The following AQP9 variants were observed in gnomAD, a reference collection of about 807,000 sequenced individuals.
AQP9 encodes aquaporin-9.
In AQP9, 19 loss-of-function variants were observed where a neutral mutation model predicts 23.8. The ratio of observed to expected loss-of-function variants is 0.80; its 90% CI spans 0.56 to 1.17. The LOEUF (loss-of-function observed/expected upper bound fraction) is 1.17. Among genes scored for constraint, AQP9 ranks in the 50% most tolerant of loss-of-function variants. The probability of loss-of-function intolerance (pLI) is 0.00; values close to 1 mark genes in which losing one functional copy is unlikely to be tolerated. For missense variants in AQP9, 413 were observed against 362.0 expected (o/e 1.14, Z -1.14); for synonymous variants, 153 against 131.5 (o/e 1.16, Z -1.12).
intron 4 of AQP9, among the ~76,000 whole-genome samples, chr15:58,178,905 CTG>C (rs1313212638): frequency 6.6e-6 from 1 of 152,146 alleles, no homozygotes; most frequent in African/African-American, 2.4e-5. Context: ...GGTAACCAAT[CTG>C]TAAATGAGAA....
chr15:58,185,581 C>A lies in AQP9; in HGVS notation c.*1446C>A, dbSNP rs1405742485. ...TGCTTCCTGCCAGCACCAAACATTA[C>A]ATTCAGGGGATTTCCTCTGGCTCAG... On this transcript the variant is annotated 3_prime_UTR_variant, in exon 6 of 6. Coordinates refer to ENST00000219919, the MANE Select transcript of AQP9 (RefSeq NM_020980.5). 1.3e-5 allele frequency: 2 copies of A among 152,254 alleles called. No individual in the cohort carries two copies. The highest frequency in any genetic ancestry group is 6.5e-5 in the Admixed American group (1 of 15,290). 9.4% of individuals were successfully genotyped at this position (152,254 alleles called of 1,614,324 possible).
intron 1 of AQP9, among the ~76,000 whole-genome samples, chr15:58,139,012 G>A (rs1268740362): frequency 6.6e-6 from 1 of 152,114 alleles, no homozygotes; most frequent in Non-Finnish European, 1.5e-5. Flanking sequence ...CAATTGATTT[G>A]TACCCTGCTT....
In AQP9 at chr15:58,179,255, G is replaced by A. The variant is rs193153801; in HGVS notation, c.623G>A (p.Gly208Glu). ...ATTATTGTCATTGCTTCCTCCCTGG[G>A]ACTGAACAGTGGCTGTGCCATGAAC... Reference protein sequence around the residue: ...LLIIVIASSLGLNSGCAMNPA... With the variant: ...LLIIVIASSLELNSGCAMNPA... Residue 208 changes from glycine (G) to glutamate (E), a missense_variant, in exon 5 of 6, where the codon GGA becomes GAA. By Grantham distance (98) the Gly-to-Glu change is moderately conservative. Coordinates refer to ENST00000219919, the MANE Select transcript of AQP9 (RefSeq NM_020980.5). 6.2e-7 allele frequency: 1 copy of A among 1,614,144 alleles called. No individual in the cohort carries two copies. The highest frequency in any genetic ancestry group is 1.7e-5 in the Admixed American group (1 of 60,010).
chr15:58,167,786 G>A (rs1478735906), intron 2 of AQP9, among the ~76,000 whole-genome samples: 4 of 151,954 alleles, frequency 2.6e-5, no homozygotes, highest in Admixed American at 1.3e-4. Flanking sequence ...ACAATGGCAC[G>A]ATCTTGGCTC....
intron 1 of AQP9, among the ~76,000 whole-genome samples, chr15:58,163,435 A>G (rs969807200): frequency 1.4e-5 from 1 of 73,456 alleles, no homozygotes; most frequent in Non-Finnish European, 3.0e-5. Flanking sequence ...ACCATGATAC[A>G]TTAAACATCC....
intron 1 of AQP9, among the ~76,000 whole-genome samples, chr15:58,148,498 C>T (rs1566981087): frequency 6.6e-6 from 1 of 152,128 alleles, no homozygotes; most frequent in Non-Finnish European, 1.5e-5. Context: ...AGAGATCTCC[C>T]AGGTTGAGAG....
chr15:58,166,666 A>T lies in AQP9; in HGVS notation c.112-7A>T. On this transcript the variant is annotated splice_region_variant and splice_polypyrimidine_tract_variant and intron_variant, in intron 1 of 5. Transcript: ENST00000219919. ...CACTTACCTGTTGAGTTTTCCTCTCATTCCAGGTCCTTGGATGTGGCTGTG... is the reference window on the plus strand; with the variant it reads ...CACTTACCTGTTGAGTTTTCCTCTCTTTCCAGGTCCTTGGATGTGGCTGTG... The T allele has an allele frequency of 6.2e-7, 1 of 1,605,250 alleles. No homozygotes were observed. The highest frequency in any genetic ancestry group is 1.7e-5 in the Admixed American group (1 of 58,482).
At chr15:58,179,737 C>A (rs761995622) in intron 5 of AQP9, among the ~76,000 whole-genome samples, 7 of 152,140 alleles carry the variant, frequency 4.6e-5, no homozygotes, top group Non-Finnish European at 1.0e-4. Context: ...GGCTCTTCCT[C>A]GTGAACCACG....
intron 1 of AQP9, chr15:58,151,258 C>A (rs1030140325): frequency 6.6e-6 from 1 of 152,064 alleles, no homozygotes; most frequent in East Asian, 1.9e-4. Flanking sequence ...GTATGCCTTG[C>A]CTTACTAGTT....
intron 1 of AQP9, among the ~76,000 whole-genome samples, chr15:58,159,871 C>A (rs562467298): frequency 1.3e-5 from 2 of 152,122 alleles, no homozygotes; most frequent in African/African-American, 4.8e-5. Flanking sequence ...TGTTTCATTG[C>A]GTATATATGC....
At position 58,184,430 on chromosome 15, in the gene AQP9, T is replaced by C. The variant is rs546813274; in HGVS notation, c.*295T>C. On this transcript the variant is annotated 3_prime_UTR_variant, in exon 6 of 6. Transcript: ENST00000219919. ...GGAATTCTTGCTAGGTAAGCACTAA[T>C]AACTCGGCATCTTGACGATAGTCCC... The C allele has an allele frequency of 3.7e-4, 106 of 283,260 alleles. No individual in the cohort carries two copies. The highest frequency in any genetic ancestry group is 2.3e-3 in the African/African-American group (102 of 45,180). The allele number at this position is 283,260 out of a possible 1,614,324, so 17.5% of individuals were successfully genotyped here. A position where few individuals can be genotyped will look rare whatever the true frequency, so the allele number is the denominator to read the frequency against.
intron 5 of AQP9, among the ~76,000 whole-genome samples, chr15:58,182,415 A>T (rs1371185565): frequency 6.6e-6 from 1 of 152,170 alleles, no homozygotes; most frequent in African/African-American, 2.4e-5. Flanking sequence ...TGTGAACCTG[A>T]TACAACATGT....
chr15:58,173,345 T>A lies in AQP9; in HGVS notation c.376+140T>A. The A allele has an allele frequency of 3.2e-6, 4 of 1,241,316 alleles. No individual in the cohort carries two copies. The East Asian group carries it at 9.6e-5, about 30-fold the overall frequency. The allele number at this position is 1,241,316 out of a possible 1,614,324, so 76.9% of individuals were successfully genotyped here. On this transcript the variant is annotated intron_variant, in intron 3 of 5. Transcript: ENST00000219919. The stretch of plus-strand genomic sequence containing the variant: ...ACAGCAAGTTCTAAATTTGAGAAAA[T>A]GAGGCCATATTACCATTCCAGCAAA...
chr15:58,147,978 A>G (rs1409157499), intron 1 of AQP9, among the ~76,000 whole-genome samples: 1 of 152,160 alleles, frequency 6.6e-6, no homozygotes, highest in Non-Finnish European at 1.5e-5. Context: ...GATATTAGTT[A>G]CCTGTGGAGA....
Position 58,165,937 on chromosome 15 carries a change from G to A in AQP9, c.112-736G>A, listed in dbSNP as rs569140661. ...TAGGAAACTACAGCCCCATCAGGGAGAAAATACATGAGAATAAGGGGGTCC... is the reference window on the plus strand; with the variant it reads ...TAGGAAACTACAGCCCCATCAGGGAAAAAATACATGAGAATAAGGGGGTCC... On this transcript the variant is annotated intron_variant, in intron 1 of 5. Transcript: ENST00000219919. 2.0e-5 allele frequency among the ~76,000 whole-genome samples: 3 copies of A among 152,338 alleles called. No homozygotes were observed. In the East Asian group the frequency reaches 5.8e-4, roughly 29 times the overall value.
At position 58,138,541 on chromosome 15, in the gene AQP9, C is replaced by T. The variant is rs771920504; in HGVS notation, c.-25C>T. 1 of 1,597,022 alleles carries T rather than the reference C, an allele frequency of 6.3e-7. No individual in the cohort carries two copies. Among genetic ancestry groups the T allele is most frequent in the Non-Finnish European group, 8.6e-7 (1 of 1,166,064 alleles). On this transcript the variant is annotated 5_prime_UTR_variant, in exon 1 of 6. Coordinates refer to ENST00000219919, the MANE Select transcript of AQP9 (RefSeq NM_020980.5). ...CACAACAGGTAGGTATTGGTAGAAA[C>T]AGGAGTCCTCAGAGAAGCCCCAAGA...
chr15:58,171,118 T>A (rs1307826188), intron 2 of AQP9, among the ~76,000 whole-genome samples: 1 of 148,636 alleles, frequency 6.7e-6, no homozygotes, highest in African/African-American at 2.5e-5. Flanking sequence ...AGACGGAGTT[T>A]CGCTCGTTGC....
At chr15:58,155,491 A>G (rs1595732463) in intron 1 of AQP9, 1 of 152,158 alleles carries the variant, frequency 6.6e-6, no homozygotes, top group East Asian at 1.9e-4. Flanking sequence ...CCCTTACACG[A>G]TTTTTTGCCT....
Position 58,182,022 on chromosome 15 carries a change from A to G in AQP9, c.714-1939A>G, listed in dbSNP as rs200696753. On this transcript the variant is annotated intron_variant, in intron 5 of 5. Transcript: ENST00000219919. ...AAAAAAACAAGGCTACCTTGTTCCCAGGTCCCCATGTACTCCTGAACGGCA... is the reference window on the plus strand; with the variant it reads ...AAAAAAACAAGGCTACCTTGTTCCCGGGTCCCCATGTACTCCTGAACGGCA... Among the ~76,000 whole-genome samples the G allele has an allele frequency of 2.6e-5, 4 of 152,120 alleles. No homozygotes were observed. The East Asian group carries it at 7.7e-4, about 29-fold the overall frequency.
Sources: allele counts gnomAD v4.1 joint callset (sites outside exome capture counted in the v4.1 genomes callset), GRCh38; gene constraint gnomAD v4.1.1; transcripts MANE v1.5; gene names NCBI Gene and HGNC (gene_info 2026-07-23, HGNC 2026-07-21).